The following VPS13B variants were observed in gnomAD, a reference collection of about 807,000 sequenced individuals.
The protein encoded by VPS13B is vacuolar protein sorting 13 homolog B.
A neutral mutation model predicts 426.4 loss-of-function variants in VPS13B; 285 were observed. The ratio of observed to expected loss-of-function variants is 0.67; its 90% CI spans 0.61 to 0.74. VPS13B has a LOEUF of 0.74. VPS13B is among the 30% of genes least tolerant of loss of function. The pLI is 0.00. For synonymous variants in VPS13B, 1,676 were observed against 1,676.4 expected, an observed-to-expected ratio of 1.00 and a Z score of 0.01; for missense variants, 4,537 against 4,782.6, an observed-to-expected ratio of 0.95 and a Z score of 1.51.
At chr8:99,426,787 G>A (rs202195995) in intron 21 of VPS13B, among the ~76,000 whole-genome samples, 1 of 95,580 alleles carries the variant, frequency 1.0e-5, no homozygotes, top group South Asian at 5.4e-4. Context: ...AAATTTGTTT[G>A]AGTTCATTGT....
intron 15 of VPS13B, among the ~76,000 whole-genome samples, chr8:99,167,999 C>A (rs1055105279): frequency 4.6e-5 from 7 of 152,044 alleles, no homozygotes; most frequent in African/African-American, 1.7e-4. Flanking sequence ...GGGATGTTGA[C>A]AAATTATTAG....
chr8:99,875,268 C>A, intron 61 of VPS13B, 150 bp from the exon 62 acceptor site: 1 of 1,149,898 alleles, frequency 8.7e-7, no homozygotes. Flanking sequence ...TGCCATATCT[C>A]AGAGGAAAAA....
intron 19 of VPS13B, among the ~76,000 whole-genome samples, chr8:99,295,019 G>A (rs1819952244): frequency 6.6e-6 from 1 of 152,118 alleles, no homozygotes; most frequent in Non-Finnish European, 1.5e-5. Flanking sequence ...ATTAGAAAAT[G>A]TAAGAGCTTA....
intron 19 of VPS13B, among the ~76,000 whole-genome samples, chr8:99,292,861 T>G (rs1819811942): frequency 1.3e-5 from 2 of 152,188 alleles, no homozygotes; most frequent in South Asian, 4.1e-4. Flanking sequence ...GAATCAGAAC[T>G]ACTTATAAAC....
chr8:99,854,090 A>G lies in VPS13B; in HGVS notation c.10701A>G (p.Pro3567=). ...PVKLRKLVIQ[P]VNLLVSIHAS... is the part of the protein sequence containing the mutation. ...AGTTACGGAAACTGGTGATCCAGCC[A>G]GTAAATTTGCTCGTCAGCATCCACG... Residue 3567 remains proline (P), a synonymous_variant, in exon 56 of 62, where the codon CCA becomes CCG. Coordinates refer to ENST00000357162, the MANE Select transcript of VPS13B (RefSeq NM_152564.5). The G allele has an allele frequency of 6.2e-7, 1 of 1,613,202 alleles. No homozygotes were observed. The highest frequency in any genetic ancestry group is 1.1e-5 in the South Asian group (1 of 91,048).
At chr8:99,490,556 T>C (rs1226924053) in intron 25 of VPS13B, among the ~76,000 whole-genome samples, 2 of 152,204 alleles carry the variant, frequency 1.3e-5, no homozygotes, top group African/African-American at 4.8e-5. Flanking sequence ...TGGTAGGCTA[T>C]TAATTTTTGC....
intron 39 of VPS13B, among the ~76,000 whole-genome samples, chr8:99,734,034 C>T (rs999633033): frequency 4.5e-4 from 68 of 152,324 alleles, no homozygotes; most frequent in African/African-American, 1.6e-3. Context: ...GTCTTCCCAA[C>T]CCCCAGCCCT....
chr8:99,581,878 A>G (rs1341798572), intron 33 of VPS13B, among the ~76,000 whole-genome samples: 1 of 152,240 alleles, frequency 6.6e-6, no homozygotes, highest in Non-Finnish European at 1.5e-5. Context: ...TCGCTGCGAT[A>G]GTTCACCATC....
rs748727467 is a variant in VPS13B, at chr8:99,859,378, G to A, written c.10942G>A (p.Asp3648Asn). ...LVRSIGNGVADFFRLPYEGLT... is the reference protein window; with the variant it reads ...LVRSIGNGVANFFRLPYEGLT... The stretch of plus-strand genomic sequence containing the variant: ...GAGAAGCATCGGGAACGGGGTCGCC[G>A]ACTTCTTCAGGCTTCCGTATGAGGG... The change falls in exon 57 of 62, where the codon GAC becomes AAC. Residue 3648 changes from aspartate (D) to asparagine (N), a missense_variant. Transcript: ENST00000357162. 1.7e-5 allele frequency: 28 copies of A among 1,613,914 alleles called. No homozygotes were observed. Among genetic ancestry groups the A allele is most frequent in the Admixed American group, 1.3e-4 (8 of 59,994 alleles).
intron 35 of VPS13B, among the ~76,000 whole-genome samples, chr8:99,663,320 G>C (rs1385489670): frequency 1.3e-5 from 2 of 152,142 alleles, no homozygotes; most frequent in African/African-American, 4.8e-5. Context: ...CTAGTGCTGG[G>C]ATTGTAAAGG....
intron 32 of VPS13B, among the ~76,000 whole-genome samples, chr8:99,576,970 AATT>A (rs1825807487): frequency 6.6e-6 from 1 of 152,074 alleles, no homozygotes; most frequent in Admixed American, 6.6e-5. Flanking sequence ...CTTAGCAATT[AATT>A]GCCTGCCTAA....
chr8:99,143,304 T>A, intron 13 of VPS13B, 139 bp downstream of exon 13: 1 of 1,032,392 alleles, frequency 9.7e-7, no homozygotes, highest in South Asian at 1.4e-5. Flanking sequence ...TGTAGCTGTT[T>A]ATTTAAAGAA....
chr8:99,156,852 G>T, intron 15 of VPS13B, 109 bp downstream of exon 15: 1 of 1,003,936 alleles, frequency 1.0e-6, no homozygotes, highest in Non-Finnish European at 1.5e-6. Context: ...TACTCTAAAA[G>T]GTAAGATTTA....
intron 31 of VPS13B, among the ~76,000 whole-genome samples, chr8:99,559,456 G>T (rs9692697): frequency 0.063 from 9,654 of 152,174 alleles, 409 homozygotes; most frequent in South Asian, 0.11. Context: ...ATTGCTTTTG[G>T]TGTTTTAGTC....
At chr8:99,672,467 T>C (rs558304966) in intron 35 of VPS13B, among the ~76,000 whole-genome samples, 1 of 152,276 alleles carries the variant, frequency 6.6e-6, no homozygotes, top group South Asian at 2.1e-4. Context: ...ATGCTGATTT[T>C]TAATCACGCA....
At chr8:99,323,940 T>G (rs1231737685) in intron 19 of VPS13B, among the ~76,000 whole-genome samples, 1 of 152,174 alleles carries the variant, frequency 6.6e-6, no homozygotes, top group Non-Finnish European at 1.5e-5. Flanking sequence ...TAACCTGACG[T>G]TTTGTGGTTT....
intron 5 of VPS13B, among the ~76,000 whole-genome samples, chr8:99,107,119 G>A (rs1310328194): frequency 6.6e-6 from 1 of 152,088 alleles, no homozygotes; most frequent in African/African-American, 2.4e-5. Flanking sequence ...TTTCATAATA[G>A]TAATGCCATT....
At chr8:99,846,586 G>A (rs931724142) in intron 54 of VPS13B, among the ~76,000 whole-genome samples, 6 of 152,198 alleles carry the variant, frequency 3.9e-5, no homozygotes, top group Non-Finnish European at 8.8e-5. Context: ...CTCTAAATGT[G>A]AAAAGACAAG....
chr8:99,220,932 TC>T (rs1187177511), intron 17 of VPS13B, among the ~76,000 whole-genome samples: 3 of 85,806 alleles, frequency 3.5e-5, no homozygotes, highest in African/African-American at 1.4e-4. Context: ...ATGCTATCCC[TC>T]CCCCCTCCCC....
Sources: allele counts gnomAD v4.1 joint callset (sites outside exome capture counted in the v4.1 genomes callset), GRCh38; gene constraint gnomAD v4.1.1; transcripts MANE v1.5; gene names NCBI Gene and HGNC (gene_info 2026-07-23, HGNC 2026-07-21).